The following SOX6 variants were observed in gnomAD, a reference collection of about 807,000 sequenced individuals.
SOX6 encodes the protein transcription factor SOX-6.
A neutral mutation model predicts 97.8 loss-of-function variants in SOX6; 11 were observed. The ratio of observed to expected loss-of-function variants is 0.11; its 90% CI spans 0.07 to 0.19. The LOEUF is 0.19. Among genes scored for constraint, SOX6 ranks in the 10% least tolerant of loss-of-function variants. The probability of loss-of-function intolerance (pLI) is 1.00; values close to 1 mark genes in which losing one functional copy is unlikely to be tolerated. For missense variants in SOX6, 810 were observed against 1,039.5 expected (o/e 0.78, Z 3.04); for synonymous variants, 360 against 371.4 (o/e 0.97, Z 0.35).
intron 3 of SOX6, among the ~76,000 whole-genome samples, chr11:16,301,593 C>A (rs1474632139): frequency 6.6e-6 from 1 of 152,088 alleles, no homozygotes; most frequent in African/African-American, 2.4e-5. Context: ...CACTGGGCTA[C>A]AAAATTAATT....
At chr11:16,036,083 T>G (rs1168760370) in intron 12 of SOX6, among the ~76,000 whole-genome samples, 1 of 151,252 alleles carries the variant, frequency 6.6e-6, no homozygotes, top group East Asian at 1.9e-4. Flanking sequence ...CAACTCTTTT[T>G]TTTTTTTTTT....
chr11:16,625,030 T>C (rs1003240206), intron 3 of SOX6, among the ~76,000 whole-genome samples: 1 of 152,232 alleles, frequency 6.6e-6, no homozygotes, highest in Non-Finnish European at 1.5e-5. Flanking sequence ...ACAAGACCTT[T>C]GCCAGACATG....
At position 16,372,153 on chromosome 11, in the gene SOX6, T is replaced by C. The variant is rs1176755026; in HGVS notation, c.-4-30901A>G. Among the ~76,000 whole-genome samples, 3 of 152,020 alleles carry C rather than the reference T, an allele frequency of 2.0e-5. No homozygotes were observed. In the East Asian group the frequency reaches 5.8e-4, roughly 29 times the overall value. On this transcript the variant is annotated intron_variant, in intron 1 of 15. Coordinates refer to the SOX6 transcript ENST00000396356. The stretch of plus-strand genomic sequence containing the variant: ...ACATATTAGTTCAATAAATAATTAG[T>C]TTATTGATTGATTAATGACATATAT...
chr11:16,055,511 G>C (rs551163653), intron 10 of SOX6, among the ~76,000 whole-genome samples: 11 of 152,148 alleles, frequency 7.2e-5, no homozygotes, highest in African/African-American at 2.6e-4. Context: ...AATCCAAAGG[G>C]GGAAAACTCT....
intron 13 of SOX6, among the ~76,000 whole-genome samples, chr11:15,993,096 T>C (rs960234437): frequency 2.6e-5 from 4 of 152,186 alleles, no homozygotes; most frequent in Non-Finnish European, 5.9e-5. Context: ...ATTATGTGTG[T>C]GTGTATAAAT....
intron 4 of SOX6, among the ~76,000 whole-genome samples, chr11:16,599,218 A>G (rs1419074496): frequency 6.6e-6 from 1 of 152,174 alleles, no homozygotes; most frequent in Non-Finnish European, 1.5e-5. Context: ...TTTATAGACC[A>G]TGGGAGCTTA....
At chr11:16,008,704 A>T in intron 13 of SOX6, among the ~76,000 whole-genome samples, 1 of 152,106 alleles carries the variant, frequency 6.6e-6, no homozygotes, top group Non-Finnish European at 1.5e-5. Flanking sequence ...CACAGCAAAT[A>T]TATTTCTTTA....
At chr11:16,376,169 A>G (rs572127490) in intron 1 of SOX6, among the ~76,000 whole-genome samples, 117 of 152,122 alleles carry the variant, frequency 7.7e-4, no homozygotes, top group Non-Finnish European at 1.1e-3. Flanking sequence ...CCAGAACTTA[A>G]AGTATAATGA....
rs141667031 is a variant in SOX6, at chr11:16,280,192, G to A, written c.445+38254C>T. ...TTTCCTTGGAGATGTCAGTTTTGTC[G>A]AAAATGCAGATACAGTAATTTTGAT... On this transcript the variant is annotated intron_variant, in intron 3 of 15. Coordinates refer to ENST00000683767, the MANE Select transcript of SOX6 (RefSeq NM_001367873.1). Among the ~76,000 whole-genome samples, 13 of 152,056 alleles carry A rather than the reference G, an allele frequency of 8.5e-5. No homozygotes were observed. The East Asian group carries it at 1.9e-3, about 23-fold the overall frequency.
intron 6 of SOX6, among the ~76,000 whole-genome samples, chr11:16,142,335 A>G (rs1850166978): frequency 6.6e-6 from 1 of 152,186 alleles, no homozygotes; most frequent in South Asian, 2.1e-4. Context: ...GGACATCCAC[A>G]CTAAAACCCC....
chr11:16,592,801 T>C (rs1024612972), intron 4 of SOX6, among the ~76,000 whole-genome samples: 39 of 151,854 alleles, frequency 2.6e-4, no homozygotes, highest in African/African-American at 8.5e-4. Flanking sequence ...ACTAAGAAAA[T>C]GCAAAAGAAC....
intron 4 of SOX6, among the ~76,000 whole-genome samples, chr11:16,553,132 G>GTAA (rs1273614537): frequency 6.6e-6 from 1 of 152,090 alleles, no homozygotes; most frequent in Admixed American, 6.6e-5. Context: ...TTTCCTCCTA[G>GTAA]TAATGCAGGA....
At chr11:16,143,944 G>C (rs567528931) in intron 6 of SOX6, among the ~76,000 whole-genome samples, 170 of 152,240 alleles carry the variant, frequency 1.1e-3, no homozygotes, top group African/African-American at 3.9e-3. Flanking sequence ...ACAGACCAAT[G>C]AGACAGAAAG....
intron 5 of SOX6, among the ~76,000 whole-genome samples, chr11:16,185,409 T>C (rs1161495775): frequency 6.6e-6 from 1 of 152,200 alleles, no homozygotes; most frequent in Non-Finnish European, 1.5e-5. Context: ...AGGCATCTAA[T>C]ATTGATGGTC....
intron 3 of SOX6, among the ~76,000 whole-genome samples, chr11:16,675,317 T>C (rs1847876678): frequency 2.0e-5 from 3 of 152,058 alleles, no homozygotes; most frequent in African/African-American, 7.2e-5. Flanking sequence ...ATCCAGCTAT[T>C]TTTTTAAATT....
At chr11:16,334,488 C>T (rs1330152359) in intron 2 of SOX6, among the ~76,000 whole-genome samples, 1 of 151,418 alleles carries the variant, frequency 6.6e-6, no homozygotes. Context: ...AGTGCAGTGG[C>T]ACAATGTCGG....
At chr11:16,505,179 G>C (rs1269073493) in intron 4 of SOX6, among the ~76,000 whole-genome samples, 4 of 152,200 alleles carry the variant, frequency 2.6e-5, no homozygotes, top group African/African-American at 9.7e-5. Context: ...TTGTTGAATG[G>C]TTGTGGCCAA....
chr11:16,642,466 C>G (rs1848933478), intron 3 of SOX6, among the ~76,000 whole-genome samples: 1 of 152,272 alleles, frequency 6.6e-6, no homozygotes, highest in South Asian at 2.1e-4. Context: ...GTTGGCCTGC[C>G]TTGCTAGATT....
chr11:16,352,405 A>C (rs1368207883), intron 1 of SOX6, among the ~76,000 whole-genome samples: 1 of 152,102 alleles, frequency 6.6e-6, no homozygotes, highest in African/African-American at 2.4e-5. Flanking sequence ...TGCTACATGT[A>C]TTATTTCATT....
Sources: gnomAD v4.1 joint callset for allele counts (sites outside exome capture counted in the v4.1 genomes callset) on GRCh38, gnomAD v4.1.1 for gene constraint, MANE v1.5 for transcripts, NCBI Gene and HGNC (gene_info 2026-07-23, HGNC 2026-07-21) for gene names.